Variants in AFF2 observed in about 807,000 individuals in gnomAD.
The protein encoded by AFF2 is ALF transcription elongation factor 2.
Under a neutral mutation model 76.9 loss-of-function variants are expected in AFF2, and 14 were observed. The observed-to-expected ratio is 0.18, with a 90% CI of 0.12 to 0.28. AFF2 has a LOEUF of 0.28. AFF2 is among the 10% of genes least tolerant of loss of function. The pLI is 1.00. For missense variants in AFF2, 868 were observed against 1,001.1 expected (o/e 0.87, Z 1.79); for synonymous variants, 398 against 366.7 (o/e 1.09, Z -0.98).
chrX:148,849,320 C>CTTTTGAG (rs1270694155), intron 7 of AFF2, among the ~76,000 whole-genome samples: 1 of 95,144 alleles, frequency 1.1e-5, no homozygotes, highest in African/African-American at 4.5e-5. Context: ...TCTCAGATGG[C>CTTTTGAG]TTTTGAGACA....
chrX:148,937,994 G>A (rs782297482), intron 9 of AFF2, among the ~76,000 whole-genome samples: 9 of 112,207 alleles, frequency 8.0e-5, no homozygotes, highest in Non-Finnish European at 1.5e-4. Context: ...CAAATACACC[G>A]TCTTTTTATT....
chrX:148,531,259 G>A (rs1232203513), intron 1 of AFF2, among the ~76,000 whole-genome samples: 2 of 111,588 alleles, frequency 1.8e-5, no homozygotes, highest in African/African-American at 6.5e-5. Flanking sequence ...ACAAAAGAAG[G>A]CAATGAAATT....
intron 7 of AFF2, among the ~76,000 whole-genome samples, chrX:148,866,685 A>G (rs1007082532): frequency 8.9e-6 from 1 of 112,799 alleles, no homozygotes; most frequent in East Asian, 2.8e-4. Flanking sequence ...AAGCAGAGCT[A>G]TATGGAAGTA....
intron 15 of AFF2, among the ~76,000 whole-genome samples, chrX:148,969,762 G>T (rs2072226296): frequency 9.0e-6 from 1 of 110,553 alleles, no homozygotes; most frequent in East Asian, 2.8e-4. Flanking sequence ...CCTTGGTGGT[G>T]GTGGGGGGGT....
chrX:148,731,156 G>A (rs2055214662), intron 3 of AFF2, among the ~76,000 whole-genome samples: 1 of 111,959 alleles, frequency 8.9e-6, no homozygotes, highest in African/African-American at 3.2e-5. Context: ...CCAATTTATA[G>A]AGACGAGTTC....
Position 148,938,984 on chromosome X carries a change from A to G in AFF2, c.1398-14596A>G, listed in dbSNP as rs1215597303. On this transcript the variant is annotated intron_variant, in intron 9 of 20. Transcript: ENST00000370460. ...TAAAAATGGACTTTCCAGTCATTTT[A>G]TAATTCAGACATATTATAAAGGACC... Among the ~76,000 whole-genome samples the G allele has an allele frequency of 2.7e-5, 3 of 111,615 alleles. No homozygotes were observed. In the Admixed American group the frequency reaches 2.9e-4, roughly 11 times the overall value.
intron 1 of AFF2, among the ~76,000 whole-genome samples, chrX:148,597,115 G>A (rs147862119): frequency 0.011 from 1,218 of 111,839 alleles, 10 homozygotes; most frequent in African/African-American, 0.038. Flanking sequence ...AATTAATAAT[G>A]CCTTAGTGGA....
At chrX:148,523,725 G>T (rs1028807460) in intron 1 of AFF2, among the ~76,000 whole-genome samples, 2 of 112,436 alleles carry the variant, frequency 1.8e-5, no homozygotes, top group African/African-American at 6.5e-5. Flanking sequence ...AATTGTGCAA[G>T]TGTAAAATGG....
chrX:148,971,358 C>A (rs1469403416), intron 15 of AFF2, among the ~76,000 whole-genome samples: 1 of 92,299 alleles, frequency 1.1e-5, no homozygotes, highest in Non-Finnish European at 2.1e-5. Flanking sequence ...GGAAATTAAA[C>A]TTTTTTTTCA....
chrX:148,984,968 CTCTT>C (rs201747057), intron 19 of AFF2, among the ~76,000 whole-genome samples: 2,176 of 111,091 alleles, frequency 0.02, 33 homozygotes, highest in Non-Finnish European at 0.032. Flanking sequence ...CATGTGGTCT[CTCTT>C]TCCCTTTTGT....
chrX:148,741,742 C>G (rs1001237351), intron 3 of AFF2, among the ~76,000 whole-genome samples: 12 of 111,030 alleles, frequency 1.1e-4, no homozygotes, highest in African/African-American at 3.6e-4. Context: ...CTCCTCTGGC[C>G]AATCTCTCAA....
chrX:148,921,848 GT>G (rs2124268097), intron 9 of AFF2, among the ~76,000 whole-genome samples: 1 of 112,290 alleles, frequency 8.9e-6, no homozygotes, highest in East Asian at 2.8e-4. Flanking sequence ...CTTCAATTCT[GT>G]AAACTATTCG....
intron 7 of AFF2, among the ~76,000 whole-genome samples, chrX:148,859,439 A>C (rs2124045400): frequency 9.0e-6 from 1 of 111,066 alleles, no homozygotes; most frequent in Admixed American, 9.7e-5. Context: ...AAATGCTTGG[A>C]ACTCTGTTTC....
chrX:148,726,634 G>A (rs1441012443), intron 3 of AFF2, among the ~76,000 whole-genome samples: 1 of 111,645 alleles, frequency 9.0e-6, no homozygotes, highest in Non-Finnish European at 1.9e-5. Context: ...GATCTCAGTC[G>A]TGTCTTTTAG....
At chrX:148,904,663 C>T (rs1557281251) in intron 9 of AFF2, among the ~76,000 whole-genome samples, 4 of 112,072 alleles carry the variant, frequency 3.6e-5, no homozygotes, top group South Asian at 3.7e-4. Context: ...TTTCCAGCCA[C>T]GTGGGGAGGT....
At chrX:148,572,155 A>G (rs942567342) in intron 1 of AFF2, among the ~76,000 whole-genome samples, 3 of 111,784 alleles carry the variant, frequency 2.7e-5, no homozygotes, top group Non-Finnish European at 5.7e-5. Context: ...ATGAAAAGAC[A>G]CTGAATATCT....
At chrX:148,621,183 T>A (rs1187317273) in intron 1 of AFF2, among the ~76,000 whole-genome samples, 4 of 111,915 alleles carry the variant, frequency 3.6e-5, no homozygotes, top group Non-Finnish European at 7.5e-5. Flanking sequence ...AGCCCTTTTA[T>A]TGGACGAGCT....
At position 148,662,710 on chromosome X, in the gene AFF2, C is replaced by T; in HGVS notation, c.983C>T (p.Pro328Leu). The change falls in exon 3 of 21, where the codon CCC becomes CTC. Residue 328 changes from proline (P) to leucine (L), a missense_variant. By Grantham distance (98) the Pro-to-Leu change is moderately conservative. Transcript: ENST00000370460. Reference protein sequence around the residue: ...LSFGTLLDGKPSAASSKTKLP... With the variant: ...LSFGTLLDGKLSAASSKTKLP... ...TTTGGAACACTCTTGGATGGAAAAC[C>T]CAGTGCAGCCAGTTCAAAGACTAAA... The T allele has an allele frequency of 8.3e-7, 1 of 1,211,681 alleles. No individual in the cohort carries two copies. Among genetic ancestry groups the T allele is most frequent in the Non-Finnish European group, 1.1e-6 (1 of 895,314 alleles).
chrX:148,604,081 C>G (rs1557248473), intron 1 of AFF2, among the ~76,000 whole-genome samples: 5 of 111,144 alleles, frequency 4.5e-5, no homozygotes, highest in Non-Finnish European at 9.4e-5. Flanking sequence ...TCTTCAAATG[C>G]TTTTTTAAGA....
Sources: gnomAD v4.1 joint callset for allele counts (sites outside exome capture counted in the v4.1 genomes callset) on GRCh38, gnomAD v4.1.1 for gene constraint, MANE v1.5 for transcripts, NCBI Gene and HGNC (gene_info 2026-07-23, HGNC 2026-07-21) for gene names.